CCDC144A: variants seen among roughly 807,000 people sequenced by gnomAD.
CCDC144A encodes the protein coiled-coil domain containing 144A, also known as coiled-coil domain-containing protein 144A.
In CCDC144A, 41 loss-of-function variants were observed where a neutral mutation model predicts 143.8. The observed-to-expected ratio is 0.29, with a 90% CI of 0.22 to 0.37. CCDC144A has a LOEUF of 0.37. CCDC144A is among the 10% of genes least tolerant of loss of function. CCDC144A has a pLI of 1.00. For synonymous variants in CCDC144A, 242 were observed against 517.9 expected, an observed-to-expected ratio of 0.47 and a Z score of 7.23; for missense variants, 637 against 1,488.8, an observed-to-expected ratio of 0.43 and a Z score of 9.41.
At chr17:16,765,953 T>G in intron 15 of CCDC144A, 1 of 152,252 alleles carries the variant, frequency 6.6e-6, no homozygotes, top group Admixed American at 6.5e-5. Context: ...CTCAATTAAT[T>G]TAGAAAGTTT....
intron 2 of CCDC144A, among the ~76,000 whole-genome samples, chr17:16,699,523 G>GCC (rs1911611425): frequency 8.4e-3 from 29 of 3,444 alleles, no homozygotes; most frequent in African/African-American, 0.012. Context: ...TTACAGGCGT[G>GCC]AGCCACCGCG....
chr17:16,686,141 C>T (rs1406130577), upstream of CCDC144A, among the ~76,000 whole-genome samples: 1 of 140,064 alleles, frequency 7.1e-6, no homozygotes, highest in East Asian at 2.1e-4. Flanking sequence ...GTTGCTCAGG[C>T]TGGAGTGCCA....
chr17:16,695,092 T>G (rs1354240729), intron 2 of CCDC144A, among the ~76,000 whole-genome samples: 1 of 152,256 alleles, frequency 6.6e-6, no homozygotes, highest in Non-Finnish European at 1.5e-5. Context: ...TTGCACGTTA[T>G]GGGAGACAAA....
At chr17:16,748,500 T>G (rs1275607215) in intron 12 of CCDC144A, among the ~76,000 whole-genome samples, 1 of 152,238 alleles carries the variant, frequency 6.6e-6, no homozygotes, top group Non-Finnish European at 1.5e-5. Context: ...GCTGATATTT[T>G]ATTGAAGACT....
chr17:16,672,816 C>A, the CCDC144A span, among the ~76,000 whole-genome samples: 1 of 151,976 alleles, frequency 6.6e-6, no homozygotes, highest in African/African-American at 2.4e-5. Context: ...ATAATATTAA[C>A]GTCTATCTTT....
rs187643958 is a variant in CCDC144A at position 16,698,513 on chromosome 17, A to G, written c.415+5464A>G. 6.9e-3 allele frequency among the ~76,000 whole-genome samples: 1,057 copies of G among 152,330 alleles called. 19 individuals carry two copies. Among genetic ancestry groups the G allele is most frequent in the African/African-American group, 0.024 (1,008 of 41,564 alleles). On this transcript the variant is annotated intron_variant, in intron 2 of 16. Transcript: ENST00000399273. ...TTGTAACTGCAGCAGCTCCCTGTACAGGATCAGGGAAAATGGTCAAGACTG... is the reference window on the plus strand; with the variant it reads ...TTGTAACTGCAGCAGCTCCCTGTACGGGATCAGGGAAAATGGTCAAGACTG...
chr17:16,720,850 T>G (rs1366318137), intron 8 of CCDC144A, among the ~76,000 whole-genome samples, 192 bp downstream of exon 8: 1 of 152,192 alleles, frequency 6.6e-6, no homozygotes, highest in Admixed American at 6.5e-5. Context: ...GTGAGTGGCA[T>G]TCCCAGTCTT....
intron 12 of CCDC144A, among the ~76,000 whole-genome samples, chr17:16,755,346 G>A (rs1378650169): frequency 6.6e-6 from 1 of 152,120 alleles, no homozygotes; most frequent in African/African-American, 2.4e-5. Flanking sequence ...CAATTTGCTG[G>A]TTTTCTGTAG....
chr17:16,753,428 G>GTTTTTTTTT lies in CCDC144A; in HGVS notation c.3373-7977_3373-7969dup. ...CAATTTCTTTTGTCAGTGTTTTGTA[G>GTTTTTTTTT]TTTTTTTTTTTTTTTTTTTTTTTTT... On this transcript the variant is annotated intron_variant, in intron 12 of 16. Coordinates refer to ENST00000399273, the MANE Select transcript of CCDC144A (RefSeq NM_001382000.1). 2.1e-3 allele frequency among the ~76,000 whole-genome samples: 121 copies of GTTTTTTTTT among 57,374 alleles called. 1 individual carries two copies. The highest frequency in any genetic ancestry group is 3.1e-3 in the Non-Finnish European group (96 of 31,290). The allele number at this position is 57,374 out of a possible 152,430, so 37.6% of individuals were successfully genotyped here.
rs202224055 is a variant in CCDC144A at position 16,734,832 on chromosome 17, A to G, written c.2561A>G (p.Glu854Gly). ...QKEKKYFEDI[E>G]AVKEKNDNLQ... ...GAAAAGAAATATTTTGAGGACATTG[A>G]GGCTGTGAAAGAAAAGAATGATAAC... Residue 854 changes from glutamate to glycine, a missense_variant, in exon 12 of 17, where the codon GAG (glutamate) becomes GGG (glycine). Glu to Gly is a moderately conservative substitution (Grantham distance 98). Transcript: ENST00000399273. 4.9e-4 allele frequency: 771 copies of G among 1,562,258 alleles called. 3 individuals carry two copies. Among genetic ancestry groups the G allele is most frequent in the Middle Eastern group, 2.7e-3 (16 of 5,896 alleles).
At chr17:16,728,686 G>A in intron 9 of CCDC144A, among the ~76,000 whole-genome samples, 1 of 151,978 alleles carries the variant, frequency 6.6e-6, no homozygotes. Flanking sequence ...CCTATCACCC[G>A]AGTAGTACAC....
chr17:16,734,697 A>G lies in CCDC144A; in HGVS notation c.2426A>G (p.His809Arg), dbSNP rs1913911432. 3 of 1,553,682 alleles carry G rather than the reference A, an allele frequency of 1.9e-6. No homozygotes were observed. The highest frequency in any genetic ancestry group is 2.6e-6 in the Non-Finnish European group (3 of 1,154,798). ...ARKKMNSEIS[H>R]RHQKEKDLFH... ...GTTTCCTTTCTTACTTAGATTTCTC[A>G]TAGGCATCAGAAAGAAAAGGATCTC... The change falls in exon 12 of 17, where the codon CAT becomes CGT. Residue 809 changes from histidine (H) to arginine (R), a missense_variant. Transcript: ENST00000399273.
chr17:16,760,199 T>C (rs1915298908), intron 12 of CCDC144A, among the ~76,000 whole-genome samples: 1 of 151,754 alleles, frequency 6.6e-6, no homozygotes, highest in South Asian at 2.1e-4. Context: ...TGCCACATTG[T>C]GTTCCGGAGA....
chr17:16,707,656 A>G (rs1912137517), intron 4 of CCDC144A, 114 bp downstream of exon 4: 1 of 556,440 alleles, frequency 1.8e-6, no homozygotes, highest in Non-Finnish European at 3.2e-6. Flanking sequence ...TTTGAGAACC[A>G]ATAGATCCTT....
chr17:16,669,386 C>T, the CCDC144A span, among the ~76,000 whole-genome samples: 5 of 152,192 alleles, frequency 3.3e-5, no homozygotes, highest in Admixed American at 6.5e-5. Context: ...ACAGTCCACC[C>T]GGAACACACA....
chr17:16,757,532 G>A (rs1312374314), intron 12 of CCDC144A, among the ~76,000 whole-genome samples: 1 of 152,246 alleles, frequency 6.6e-6, no homozygotes, highest in African/African-American at 2.4e-5. Context: ...CCTGGACAGT[G>A]TATGTGAGCA....
chr17:16,679,692 A>C, the CCDC144A span, among the ~76,000 whole-genome samples: 1 of 152,088 alleles, frequency 6.6e-6, no homozygotes, highest in Admixed American at 6.6e-5. Flanking sequence ...ATGTAAAAAA[A>C]GTTATCATGG....
At chr17:16,770,421 T>C (rs1320708330) in intron 15 of CCDC144A, among the ~76,000 whole-genome samples, 2 of 152,240 alleles carry the variant, frequency 1.3e-5, no homozygotes, top group Non-Finnish European at 2.9e-5. Context: ...AGTGCTGGGA[T>C]TACAGGTGTG....
intron 12 of CCDC144A, 130 bp from the exon 13 acceptor site, chr17:16,761,295 C>G: frequency 2.8e-6 from 4 of 1,407,682 alleles, no homozygotes; most frequent in Non-Finnish European, 3.7e-6. Context: ...GATCCTGTCA[C>G]TGTACTCCGG....
Sources: gnomAD v4.1 joint callset for allele counts (sites outside exome capture counted in the v4.1 genomes callset) on GRCh38, gnomAD v4.1.1 for gene constraint, MANE v1.5 for transcripts, NCBI Gene and HGNC (gene_info 2026-07-23, HGNC 2026-07-21) for gene names.